NOTCH2NLC: variants seen among roughly 807,000 people sequenced by gnomAD.
The protein encoded by NOTCH2NLC is notch 2 N-terminal like C.
NOTCH2NLC carries 4 observed loss-of-function variants against 17.7 expected under a neutral mutation model. The observed-to-expected ratio is 0.23, with a 90% confidence interval of 0.11 to 0.52. The LOEUF (loss-of-function observed/expected upper bound fraction) is 0.52. Ranked by LOEUF, NOTCH2NLC falls within the 20% of genes least tolerant of loss-of-function variation. The pLI, the probability that NOTCH2NLC is intolerant of heterozygous loss-of-function variation, is 0.96. For synonymous variants in NOTCH2NLC, 18 were observed against 86.0 expected (o/e 0.21, Z 4.38); for missense variants, 57 against 207.2 (o/e 0.28, Z 4.45).
chr1:149,443,494 CATA>C (rs1372540935), intron 2 of NOTCH2NLC, among the ~76,000 whole-genome samples: 4 of 148,954 alleles, frequency 2.7e-5, no homozygotes, highest in Non-Finnish European at 4.5e-5. Context: ...GACAGATAAT[CATA>C]ATAAGGGCTA....
intron 1 of NOTCH2NLC, among the ~76,000 whole-genome samples, chr1:149,412,039 C>T (rs1465629407): frequency 2.8e-5 from 3 of 106,738 alleles, no homozygotes; most frequent in Non-Finnish European, 5.8e-5. Context: ...TTGCTTGAGC[C>T]CCAGAGGTTG....
At chr1:149,400,100 C>T (rs1216014944) in intron 1 of NOTCH2NLC, among the ~76,000 whole-genome samples, 1 of 141,410 alleles carries the variant, frequency 7.1e-6, no homozygotes, top group African/African-American at 2.6e-5. Context: ...TTTAGAAAAG[C>T]TGTTGATTTA....
chr1:149,424,780 C>T (rs2084403497), intron 1 of NOTCH2NLC, among the ~76,000 whole-genome samples: 1 of 151,084 alleles, frequency 6.6e-6, no homozygotes, highest in Non-Finnish European at 1.5e-5. Context: ...CTGGTGAGGG[C>T]CCAAAAAACT....
chr1:149,417,179 T>G (rs2084340768), intron 1 of NOTCH2NLC, among the ~76,000 whole-genome samples: 1 of 136,586 alleles, frequency 7.3e-6, no homozygotes, highest in South Asian at 2.6e-4. Context: ...GCGCGATCTC[T>G]GCTCACTGCA....
In NOTCH2NLC at chr1:149,390,826, C is replaced by CGGCGGCGGCGGCGGT; in HGVS notation, c.44_45insCGGCGGCGGTGGCGG (p.Gly14_Gly18dup). ...CAGGCGGCGGCGGCGGCGGCGGCGG[C>CGGCGGCGGCGGCGGT]GGCGGAGGAGGCGGCGACCGAGAAG... is the stretch of plus-strand genomic sequence containing the variant. On this transcript the variant is annotated inframe_insertion, in exon 1 of 5. Coordinates refer to ENST00000650865, the MANE Select transcript of NOTCH2NLC (RefSeq NM_001364013.2). 2 of 1,329,516 alleles carry CGGCGGCGGCGGCGGT rather than the reference C, an allele frequency of 1.5e-6. No homozygotes were observed. The highest frequency in any genetic ancestry group is 1.9e-6 in the Non-Finnish European group (2 of 1,041,908). 82.4% of individuals were successfully genotyped at this position (1,329,516 alleles called of 1,614,324 possible).
In NOTCH2NLC at chr1:149,399,178, G is replaced by A. The variant is rs1476935334; in HGVS notation, c.135+8256G>A. ...ATTCTAAAATAAACTGCCTTGTTCT[G>A]AGGCAGGCATGTTTTAAAATTGTTG... On this transcript the variant is annotated intron_variant, in intron 1 of 4. Transcript: ENST00000650865. 1.7e-3 allele frequency among the ~76,000 whole-genome samples: 255 copies of A among 151,238 alleles called. 7 individuals carry two copies. Among genetic ancestry groups the A allele is most frequent in the Non-Finnish European group, 2.8e-3 (191 of 67,662 alleles).
At chr1:149,418,832 T>C (rs2084360413) in intron 1 of NOTCH2NLC, among the ~76,000 whole-genome samples, 1 of 146,732 alleles carries the variant, frequency 6.8e-6, no homozygotes, top group African/African-American at 2.5e-5. Flanking sequence ...CCAGAATCTG[T>C]CTTCTGGTGG....
chr1:149,427,492 CTTTT>C (rs1171198772), intron 1 of NOTCH2NLC, among the ~76,000 whole-genome samples: 2 of 87,316 alleles, frequency 2.3e-5, no homozygotes, highest in South Asian at 8.3e-4. Context: ...TCTACCACAG[CTTTT>C]TTTTTTTTTT....
rs2084408020 is a variant in NOTCH2NLC, at chr1:149,425,459, G to C, written c.136-5483G>C. Among the ~76,000 whole-genome samples, 7 of 151,536 alleles carry C rather than the reference G, an allele frequency of 4.6e-5. No individual in the cohort carries two copies. In the South Asian group the frequency reaches 1.5e-3, roughly 32 times the overall value. ...CTGTTCAGGAAAGAGGGCATAAACT[G>C]GGCAGAGAATGCAGTGGAAGTGGTG... On this transcript the variant is annotated intron_variant, in intron 1 of 4. Transcript: ENST00000650865.
Position 149,466,275 on chromosome 1 carries a change from T to TGG in NOTCH2NLC, c.*2123_*2124dup, listed in dbSNP as rs1456077203. 2 of 145,812 alleles carry TGG rather than the reference T, an allele frequency of 1.4e-5. No homozygotes were observed. Among genetic ancestry groups the TGG allele is most frequent in the African/African-American group, 5.2e-5 (2 of 38,706 alleles). The allele number at this position is 145,812 out of a possible 1,614,324, so 9.0% of individuals were successfully genotyped here. A position where few individuals can be genotyped will look rare whatever the true frequency, so the allele number is the denominator to read the frequency against. Reference sequence around the variant, plus strand: ...GTGTGTGTGTGTGTGTGTGTGTGTGTGGTATATATATATATATCGCATTGT... The same window carrying TGG: ...GTGTGTGTGTGTGTGTGTGTGTGTGTGGGGTATATATATATATATCGCATTGT... On this transcript the variant is annotated 3_prime_UTR_variant, in exon 5 of 5. Coordinates refer to ENST00000650865, the MANE Select transcript of NOTCH2NLC (RefSeq NM_001364013.2).
At chr1:149,401,037 CT>C (rs2084242873) in intron 1 of NOTCH2NLC, among the ~76,000 whole-genome samples, 1 of 150,646 alleles carries the variant, frequency 6.6e-6, no homozygotes, top group Non-Finnish European at 1.5e-5. Context: ...CCACCTGTTT[CT>C]TCCATTCCTC....
chr1:149,416,955 A>C (rs1336844579), intron 1 of NOTCH2NLC, among the ~76,000 whole-genome samples: 4 of 145,916 alleles, frequency 2.7e-5, no homozygotes, highest in Non-Finnish European at 6.1e-5. Flanking sequence ...GTTTTGTTTT[A>C]ATAAGCAGGT....
chr1:149,458,242 TACTG>T (rs2084624409), intron 3 of NOTCH2NLC, among the ~76,000 whole-genome samples: 1 of 109,762 alleles, frequency 9.1e-6, no homozygotes, highest in Non-Finnish European at 2.0e-5. Context: ...AAGGAGGAAA[TACTG>T]AGGACAATTA....
intron 1 of NOTCH2NLC, among the ~76,000 whole-genome samples, chr1:149,398,997 A>G (rs2084228404): frequency 6.6e-6 from 1 of 152,092 alleles, no homozygotes; most frequent in African/African-American, 2.4e-5. Flanking sequence ...TGATGAATGT[A>G]TGTGTGTATT....
At position 149,452,505 on chromosome 1, in the gene NOTCH2NLC, TA is replaced by T. The variant is rs1407479426; in HGVS notation, c.210-2808del. On this transcript the variant is annotated intron_variant, in intron 2 of 4. Transcript: ENST00000650865. ...CTTTTGTTCTTTTTTTCTAATCATT[TA>T]AAAATGTAAAAAACTATTCACAGGC... Among the ~76,000 whole-genome samples the T allele has an allele frequency of 2.7e-5, 3 of 110,254 alleles. No homozygotes were observed. The Admixed American group carries it at 2.8e-4, about 10-fold the overall frequency. The allele number at this position is 110,254 out of a possible 152,430, so 72.3% of individuals were successfully genotyped here. A position where few individuals can be genotyped will look rare whatever the true frequency, so the allele number is the denominator to read the frequency against.
chr1:149,435,497 T>A, intron 2 of NOTCH2NLC, among the ~76,000 whole-genome samples: 1 of 149,134 alleles, frequency 6.7e-6, no homozygotes. Context: ...ATAGGGCTCT[T>A]ATTCCCAAGA....
intron 2 of NOTCH2NLC, among the ~76,000 whole-genome samples, chr1:149,447,564 AG>A (rs1275367381): frequency 1.5e-5 from 2 of 132,498 alleles, no homozygotes; most frequent in Non-Finnish European, 3.3e-5. Context: ...AAGACATAAC[AG>A]TGGCTTAAAT....
At chr1:149,395,578 T>C (rs1439643399) in intron 1 of NOTCH2NLC, among the ~76,000 whole-genome samples, 2 of 150,358 alleles carry the variant, frequency 1.3e-5, no homozygotes, top group Non-Finnish European at 3.0e-5. Flanking sequence ...TTCCACTGCT[T>C]CCTGTATTAC....
intron 1 of NOTCH2NLC, among the ~76,000 whole-genome samples, chr1:149,418,053 A>G (rs2084355049): frequency 7.1e-6 from 1 of 141,738 alleles, no homozygotes; most frequent in Non-Finnish European, 1.6e-5. Context: ...GGGCACACAC[A>G]AAAACTCACT....
Sources: gnomAD v4.1 joint callset for allele counts (sites outside exome capture counted in the v4.1 genomes callset) on GRCh38, gnomAD v4.1.1 for gene constraint, MANE v1.5 for transcripts, NCBI Gene and HGNC (gene_info 2026-07-23, HGNC 2026-07-21) for gene names.